Variants in CSMD1 observed in about 807,000 individuals in gnomAD.
CSMD1 encodes CUB and Sushi multiple domains 1.
CSMD1 carries 213 observed loss-of-function variants against 417.5 expected under a neutral mutation model. That is an observed-to-expected ratio of 0.51 (90% CI 0.46 to 0.57). The LOEUF (loss-of-function observed/expected upper bound fraction) is 0.57, where lower values mean the gene tolerates loss of function less well. Among genes scored for constraint, CSMD1 ranks in the 20% least tolerant of loss-of-function variants. CSMD1 has a pLI of 0.00. For missense variants in CSMD1, 6,923 were observed against 4,529.7 expected (o/e 1.53, Z -15.17); for synonymous variants, 2,862 against 1,736.8 (o/e 1.65, Z -16.11).
chr8:4,043,578 T>C, intron 3 of CSMD1, among the ~76,000 whole-genome samples: 1 of 152,168 alleles, frequency 6.6e-6, no homozygotes, highest in East Asian at 1.9e-4. Flanking sequence ...TCTGGCCGCC[T>C]TGAGGGGGAA....
chr8:4,902,042 T>A (rs777477256), intron 1 of CSMD1, among the ~76,000 whole-genome samples: 1 of 152,160 alleles, frequency 6.6e-6, no homozygotes, highest in Non-Finnish European at 1.5e-5. Context: ...TACTGTGGCT[T>A]TGGCTATATG....
chr8:3,530,250 A>C (rs1585312401), intron 10 of CSMD1, among the ~76,000 whole-genome samples: 1 of 152,238 alleles, frequency 6.6e-6, no homozygotes, highest in East Asian at 1.9e-4. Context: ...AAAATATATT[A>C]GGTTGTTGAT....
intron 3 of CSMD1, among the ~76,000 whole-genome samples, chr8:4,109,159 A>G (rs1801723381): frequency 6.6e-6 from 1 of 152,180 alleles, no homozygotes; most frequent in African/African-American, 2.4e-5. Flanking sequence ...CTATGTAAAT[A>G]GTGTTATGCT....
At chr8:4,104,428 G>T (rs536355295) in intron 3 of CSMD1, among the ~76,000 whole-genome samples, 1 of 143,768 alleles carries the variant, frequency 7.0e-6, no homozygotes, top group Admixed American at 6.9e-5. Context: ...ACACACATGC[G>T]CACACGCATG....
intron 5 of CSMD1, among the ~76,000 whole-genome samples, chr8:3,924,715 T>C (rs1809516950): frequency 6.6e-6 from 1 of 152,190 alleles, no homozygotes; most frequent in Admixed American, 6.5e-5. Context: ...TGTTTCATAT[T>C]TATAATGTTC....
intron 2 of CSMD1, among the ~76,000 whole-genome samples, chr8:4,517,430 A>T (rs1414365445): frequency 6.6e-6 from 1 of 152,230 alleles, no homozygotes; most frequent in African/African-American, 2.4e-5. Flanking sequence ...ATAATAAAGA[A>T]GAGTCTGTAT....
intron 15 of CSMD1, among the ~76,000 whole-genome samples, chr8:3,403,634 C>G (rs572620463): frequency 5.3e-5 from 8 of 152,294 alleles, no homozygotes; most frequent in African/African-American, 1.7e-4. Context: ...ACATAAGGCA[C>G]AGCTTGACTT....
intron 1 of CSMD1, among the ~76,000 whole-genome samples, chr8:4,930,183 C>G (rs1002428686): frequency 7.2e-5 from 11 of 152,154 alleles, no homozygotes; most frequent in African/African-American, 2.4e-4. Flanking sequence ...TAGGCATGGA[C>G]AGACGTTCTC....
At chr8:3,641,757 T>C (rs576736292) in intron 7 of CSMD1, among the ~76,000 whole-genome samples, 1 of 152,284 alleles carries the variant, frequency 6.6e-6, no homozygotes, top group Admixed American at 6.5e-5. Flanking sequence ...CTGCTACCAC[T>C]CGGTACCCAA....
chr8:4,920,907 A>AGAG (rs1806413677), intron 1 of CSMD1, among the ~76,000 whole-genome samples: 1 of 56,550 alleles, frequency 1.8e-5, no homozygotes, highest in African/African-American at 5.1e-5. Context: ...AAAAGAAAAG[A>AGAG]AAAGAAAAGA....
intron 5 of CSMD1, among the ~76,000 whole-genome samples, chr8:3,975,677 A>G (rs17068333): frequency 0.019 from 2,963 of 152,312 alleles, 85 homozygotes; most frequent in African/African-American, 0.067. Context: ...GGAAATGTAC[A>G]GGAGATGATG....
At chr8:3,532,398 G>C (rs890329293) in intron 10 of CSMD1, among the ~76,000 whole-genome samples, 2 of 152,160 alleles carry the variant, frequency 1.3e-5, no homozygotes, top group African/African-American at 4.8e-5. Flanking sequence ...GGTGAGGATG[G>C]TGAGCTAGAA....
At chr8:3,566,869 G>GTGA (rs1799736712) in intron 10 of CSMD1, among the ~76,000 whole-genome samples, 1 of 152,178 alleles carries the variant, frequency 6.6e-6, no homozygotes, top group Non-Finnish European at 1.5e-5. Flanking sequence ...AGGCAGCGTG[G>GTGA]TGATTCCTGA....
chr8:4,946,525 T>G (rs1808380092), intron 1 of CSMD1, among the ~76,000 whole-genome samples: 1 of 152,136 alleles, frequency 6.6e-6, no homozygotes, highest in African/African-American at 2.4e-5. Flanking sequence ...CAGCTGCCTC[T>G]AACCAGGCCT....
chr8:4,776,767 G>C (rs574040874), intron 1 of CSMD1, among the ~76,000 whole-genome samples: 1 of 152,220 alleles, frequency 6.6e-6, no homozygotes, highest in South Asian at 2.1e-4. Context: ...TTTAGAAAAA[G>C]TTGTGAAAAT....
Position 3,214,165 on chromosome 8 carries a change from G to GGA in CSMD1, c.4867+330_4867+331dup, listed in dbSNP as rs111341226. Among the ~76,000 whole-genome samples, 104 of 150,566 alleles carry GGA rather than the reference G, an allele frequency of 6.9e-4. No homozygotes were observed. The South Asian group carries it at 0.012, about 17-fold the overall frequency. On this transcript the variant is annotated intron_variant, in intron 30 of 69. Transcript: ENST00000635120. The stretch of plus-strand genomic sequence containing the variant: ...GGCTAGAAGTAAGTATTTTATATAT[G>GGA]GAGAGAGAGAGAGAGAGAAGTAACT...
chr8:4,000,369 T>C (rs187669236), intron 4 of CSMD1, among the ~76,000 whole-genome samples: 65 of 152,350 alleles, frequency 4.3e-4, no homozygotes, highest in Non-Finnish European at 1.2e-4. Context: ...ATCATACATA[T>C]ACAGTTCCCT....
chr8:3,532,528 T>C lies in CSMD1; in HGVS notation c.1345-38802A>G, dbSNP rs141751690. On this transcript the variant is annotated intron_variant, in intron 10 of 69. Coordinates refer to ENST00000635120, the MANE Select transcript of CSMD1 (RefSeq NM_033225.6). ...CCTTCCCCTCAGATGATCAGGACTT[T>C]AGATCACCTTATTTGAGAAATGGAC... is the stretch of plus-strand genomic sequence containing the variant. Among the ~76,000 whole-genome samples the C allele has an allele frequency of 2.2e-4, 33 of 152,272 alleles. No homozygotes were observed. The East Asian group carries it at 5.2e-3, about 24-fold the overall frequency.
chr8:3,956,493 T>A (rs62482386), intron 5 of CSMD1, among the ~76,000 whole-genome samples: 3,185 of 152,288 alleles, frequency 0.021, 52 homozygotes, highest in Non-Finnish European at 0.027. Flanking sequence ...CTAAAGAGAT[T>A]GTAGGAAAAA....
Sources: gnomAD v4.1 joint callset for allele counts (sites outside exome capture counted in the v4.1 genomes callset) on GRCh38, gnomAD v4.1.1 for gene constraint, MANE v1.5 for transcripts, NCBI Gene and HGNC (gene_info 2026-07-23, HGNC 2026-07-21) for gene names.